HS6ST2: variants seen among roughly 807,000 people sequenced by gnomAD.
HS6ST2 encodes the protein heparan sulfate 6-O-sulfotransferase 2, also known as heparan-sulfate 6-O-sulfotransferase 2.
Under a neutral mutation model 33.0 loss-of-function variants are expected in HS6ST2, and 17 were observed. The observed-to-expected ratio is 0.52, with a 90% CI of 0.35 to 0.77. The LOEUF (loss-of-function observed/expected upper bound fraction) is 0.77. HS6ST2 is among the 30% of genes least tolerant of loss of function. HS6ST2 has a pLI of 0.01. For synonymous variants in HS6ST2, 248 were observed against 237.1 expected (o/e 1.05, Z -0.42); for missense variants, 519 against 551.7 (o/e 0.94, Z 0.59).
intron 4 of HS6ST2, among the ~76,000 whole-genome samples, chrX:132,645,903 ATCT>A (rs912378552): frequency 1.8e-4 from 20 of 112,326 alleles, no homozygotes; most frequent in Non-Finnish European, 3.6e-4. Flanking sequence ...AACAAAACAC[ATCT>A]TCTTCTTCAT....
At chrX:132,909,076 C>G (rs2066506220) in intron 2 of HS6ST2, among the ~76,000 whole-genome samples, 1 of 108,556 alleles carries the variant, frequency 9.2e-6, no homozygotes, top group Admixed American at 1.0e-4. Context: ...GTTTGCTGGA[C>G]TTCACCCAGC....
chrX:132,679,416 G>A (rs1276269357), intron 3 of HS6ST2, among the ~76,000 whole-genome samples: 1 of 111,648 alleles, frequency 9.0e-6, no homozygotes, highest in African/African-American at 3.3e-5. Flanking sequence ...AAACCAGCAA[G>A]TTTTTATTAG....
chrX:132,798,192 T>C lies in HS6ST2; in HGVS notation c.948-89698A>G, dbSNP rs756539522. Among the ~76,000 whole-genome samples the C allele has an allele frequency of 3.6e-5, 4 of 110,087 alleles. No individual in the cohort carries two copies. The East Asian group carries it at 1.2e-3, about 32-fold the overall frequency. On this transcript the variant is annotated intron_variant, in intron 2 of 4. Coordinates refer to ENST00000370833, the MANE Select transcript of HS6ST2 (RefSeq NM_001394073.1). ...GGAAGGAAGCAAAAGGGGCCCCTAC[T>C]GCATATTGTTGTTTGGAACCTCAGA... is the stretch of plus-strand genomic sequence containing the variant.
At chrX:132,758,442 C>T (rs1278740576) in intron 2 of HS6ST2, 2 of 111,901 alleles carry the variant, frequency 1.8e-5, no homozygotes, top group Non-Finnish European at 3.8e-5. Flanking sequence ...GAGTCCCAAT[C>T]ACCACCCATC....
intron 2 of HS6ST2, among the ~76,000 whole-genome samples, chrX:132,837,469 G>A (rs937698069): frequency 1.8e-5 from 2 of 111,290 alleles, no homozygotes; most frequent in African/African-American, 6.5e-5. Flanking sequence ...ACTGAATGCT[G>A]GCCCCACTGG....
rs1200610349 is a variant in HS6ST2 at position 132,958,052 on chromosome X, G to T, written c.428+123C>A. On this transcript the variant is annotated intron_variant, in intron 1 of 4. Coordinates refer to ENST00000370833, the MANE Select transcript of HS6ST2 (RefSeq NM_001394073.1). The stretch of plus-strand genomic sequence containing the variant: ...CGCACCCCTCCGGAGACCCTAGCCG[G>T]GCCACCAATGGCCAGCTGGAACTTT... 1.6e-5 allele frequency: 11 copies of T among 686,117 alleles called. No homozygotes were observed. The East Asian group carries it at 3.8e-4, about 24-fold the overall frequency. The allele number at this position is 686,117 out of a possible 1,213,427, so 56.5% of individuals were successfully genotyped here.
chrX:132,826,059 G>C (rs958427256), intron 2 of HS6ST2, among the ~76,000 whole-genome samples: 2 of 112,382 alleles, frequency 1.8e-5, no homozygotes, highest in Non-Finnish European at 3.7e-5. Context: ...AGAATCACTT[G>C]CTTGAGAATT....
intron 2 of HS6ST2, among the ~76,000 whole-genome samples, chrX:132,955,611 C>T (rs1860399555): frequency 8.9e-6 from 1 of 111,831 alleles, no homozygotes; most frequent in South Asian, 3.8e-4. Flanking sequence ...CCCAGAGACC[C>T]CATCCAGAGG....
chrX:132,738,166 A>G (rs1354789916), intron 2 of HS6ST2, among the ~76,000 whole-genome samples: 2 of 112,093 alleles, frequency 1.8e-5, no homozygotes, highest in Non-Finnish European at 3.8e-5. Flanking sequence ...TTCTCTTGCC[A>G]CCTCTGTGAG....
intron 2 of HS6ST2, among the ~76,000 whole-genome samples, chrX:132,733,438 A>G (rs1419613670): frequency 9.1e-6 from 1 of 110,295 alleles, no homozygotes; most frequent in East Asian, 2.8e-4. Context: ...TTAAGTCTAG[A>G]CTAGCTACGG....
At chrX:132,937,680 A>C (rs903253777) in intron 2 of HS6ST2, among the ~76,000 whole-genome samples, 1 of 111,711 alleles carries the variant, frequency 9.0e-6, no homozygotes, top group African/African-American at 3.3e-5. Flanking sequence ...AGCCCTCATC[A>C]TGTGCAAAAA....
At chrX:132,709,383 C>T (rs937929018) in intron 2 of HS6ST2, among the ~76,000 whole-genome samples, 2 of 111,985 alleles carry the variant, frequency 1.8e-5, no homozygotes, top group African/African-American at 3.2e-5. Context: ...ACAGCAAATA[C>T]GCTTTGCAGG....
At chrX:132,800,945 G>C (rs1406549502) in intron 2 of HS6ST2, among the ~76,000 whole-genome samples, 1 of 111,653 alleles carries the variant, frequency 9.0e-6, no homozygotes, top group African/African-American at 3.3e-5. Context: ...TGCCATGTAA[G>C]ACGTTCCTGC....
rs2066365846 is a variant in HS6ST2 at position 132,895,575 on chromosome X, G to A, written c.947+61233C>T. Among the ~76,000 whole-genome samples, 4 of 111,347 alleles carry A rather than the reference G, an allele frequency of 3.6e-5. No homozygotes were observed. The South Asian group carries it at 1.5e-3, about 42-fold the overall frequency. On this transcript the variant is annotated intron_variant, in intron 2 of 4. Transcript: ENST00000370833. ...TACATAGACACACACTTTATTCTGT[G>A]CTTTATGCGTGTCAGGCATTAGATG...
At position 132,628,587 on chromosome X, in the gene HS6ST2, A is replaced by C. The variant is rs371843772; in HGVS notation, c.1574T>G (p.Met525Arg). The C allele has an allele frequency of 4.1e-6, 5 of 1,209,587 alleles. No individual in the cohort carries two copies. In the African/African-American group the frequency reaches 8.8e-5, roughly 21 times the overall value. Residue 525 changes from methionine to arginine, a missense_variant, in exon 5 of 5, where the codon ATG (methionine) becomes AGG (arginine). Met to Arg is a moderately conservative substitution (Grantham distance 91). Coordinates refer to ENST00000370833, the MANE Select transcript of HS6ST2 (RefSeq NM_001394073.1). ...KRIEGLNFLD[M>R]ELYSYAKDLF... ...GTCTTTGGCATAGCTGTACAACTCCATATCCAGAAAATTCAGTCCCTCAAT... is the reference window on the plus strand; with the variant it reads ...GTCTTTGGCATAGCTGTACAACTCCCTATCCAGAAAATTCAGTCCCTCAAT...
chrX:132,650,005 C>A, intron 4 of HS6ST2, among the ~76,000 whole-genome samples: 1 of 111,810 alleles, frequency 8.9e-6, no homozygotes, highest in Admixed American at 9.5e-5. Flanking sequence ...AAGCATTTAT[C>A]AGTGGTTGGC....
intron 2 of HS6ST2, among the ~76,000 whole-genome samples, chrX:132,820,207 T>C (rs1602713569): frequency 2.5e-5 from 1 of 39,976 alleles, no homozygotes; most frequent in Non-Finnish European, 4.8e-5. Flanking sequence ...TGCCAGACAG[T>C]TTTTTTTTTA....
In HS6ST2 at chrX:132,805,416, C is replaced by T. The variant is rs1270332261; in HGVS notation, c.948-96922G>A. Among the ~76,000 whole-genome samples the T allele has an allele frequency of 3.8e-5, 4 of 104,542 alleles. 1 individual carries two copies. Among genetic ancestry groups the T allele is most frequent in the Non-Finnish European group, 8.4e-5 (4 of 47,613 alleles). The allele number at this position is 104,542 out of a possible 115,157, so 90.8% of individuals were successfully genotyped here. On this transcript the variant is annotated intron_variant, in intron 2 of 4. Transcript: ENST00000370833. The stretch of plus-strand genomic sequence containing the variant: ...TCAACAAGATCTGGCCCAACAGCTC[C>T]TCTACAGCCTCCCTGCCTCCCCCAT...
chrX:132,785,265 C>G (rs1462735076), intron 2 of HS6ST2, among the ~76,000 whole-genome samples: 1 of 111,877 alleles, frequency 8.9e-6, no homozygotes, highest in Non-Finnish European at 1.9e-5. Context: ...CAACATACCC[C>G]CAGAGAGACC....
Sources: allele counts gnomAD v4.1 joint callset (sites outside exome capture counted in the v4.1 genomes callset), GRCh38; gene constraint gnomAD v4.1.1; transcripts MANE v1.5; gene names NCBI Gene and HGNC (gene_info 2026-07-23, HGNC 2026-07-21).